The following C1QL1 variants were observed in gnomAD, a reference collection of about 807,000 sequenced individuals.
C1QL1 encodes complement C1q like 1.
Under a neutral mutation model 14.2 loss-of-function variants are expected in C1QL1, and 15 were observed. The ratio of observed to expected loss-of-function variants is 1.06; its 90% confidence interval spans 0.71 to 1.62. The LOEUF is 1.62. C1QL1 is among the 40% of genes most tolerant of loss of function. The pLI is 0.00. For synonymous variants in C1QL1, 172 were observed against 172.4 expected (o/e 1.00, Z 0.02); for missense variants, 346 against 380.3 (o/e 0.91, Z 0.75).
At position 44,967,923 on chromosome 17, in the gene C1QL1, G is replaced by A. The variant is rs767909747; in HGVS notation, c.126C>T (p.Ala42=). 62 of 1,267,782 alleles carry A rather than the reference G, an allele frequency of 4.9e-5. No homozygotes were observed. Among genetic ancestry groups the A allele is most frequent in the Non-Finnish European group, 5.5e-5 (56 of 1,011,806 alleles). 78.5% of individuals were successfully genotyped at this position (1,267,782 alleles called of 1,614,324 possible). A position where few individuals can be genotyped will look rare whatever the true frequency, so the allele number is the denominator to read the frequency against. Residue 42 remains alanine (A), a synonymous_variant, in exon 1 of 2, where the codon GCC becomes GCT. Transcript: ENST00000253407. This position sits in a 1 kb window ranked among gnomAD's most constrained non-coding sequence, Gnocchi z 7.0. ...CGTCGCCGCCGTCGGTCCGCGCGCC[G>A]GCGCCGGGGCCCCGCGCGGGGTAGG... ...CDPYPARGPG[A]GARTDGGDAL... is the part of the protein sequence containing the mutation.
chr17:44,965,626 G>C (rs2052653828), intron 1 of C1QL1, among the ~76,000 whole-genome samples: 1 of 152,218 alleles, frequency 6.6e-6, no homozygotes, highest in African/African-American at 2.4e-5. Flanking sequence ...AGGAGCTTTT[G>C]AGATGGTTTT....
In C1QL1 at chr17:44,960,041, C is replaced by T; in HGVS notation, c.*147G>A. ...AGCCGGTGGGAGGGCCTAGCTGTGG[C>T]CCAGGCGGTGTTGAGCACGGGCCGG... On this transcript the variant is annotated 3_prime_UTR_variant, in exon 2 of 2. Coordinates refer to ENST00000253407, the MANE Select transcript of C1QL1 (RefSeq NM_006688.5). 1.4e-6 allele frequency: 1 copy of T among 718,452 alleles called. No individual in the cohort carries two copies. Among genetic ancestry groups the T allele is most frequent in the Non-Finnish European group, 2.4e-6 (1 of 412,376 alleles). The allele number at this position is 718,452 out of a possible 1,614,324, so 44.5% of individuals were successfully genotyped here. A position where few individuals can be genotyped will look rare whatever the true frequency, so the allele number is the denominator to read the frequency against.
At chr17:44,966,763 C>G in intron 1 of C1QL1, among the ~76,000 whole-genome samples, 1 of 133,104 alleles carries the variant, frequency 7.5e-6, no homozygotes, top group East Asian at 2.8e-4. Flanking sequence ...CCACCACCCC[C>G]CACCCCCCAC....
intron 1 of C1QL1, among the ~76,000 whole-genome samples, chr17:44,962,810 T>C (rs2052635337): frequency 6.6e-6 from 1 of 152,258 alleles, no homozygotes; most frequent in African/African-American, 2.4e-5. Flanking sequence ...AACAGAGTCA[T>C]CTGTCATCAG....
chr17:44,966,243 A>G (rs992698373), intron 1 of C1QL1, among the ~76,000 whole-genome samples: 2 of 152,226 alleles, frequency 1.3e-5, no homozygotes. Context: ...AGCACCTGGC[A>G]GGCTATCTGC....
Position 44,967,140 on chromosome 17 carries a change from C to T in C1QL1, c.597+312G>A, listed in dbSNP as rs1275063789. 2.0e-5 allele frequency among the ~76,000 whole-genome samples: 3 copies of T among 152,248 alleles called. No homozygotes were observed. The highest frequency in any genetic ancestry group is 7.2e-5 in the African/African-American group (3 of 41,470). The stretch of plus-strand genomic sequence containing the variant: ...CCGAATCCACTTCCCAAGGGGCAAG[C>T]CCCCAAGGGCAAGTCCGTGCACCTG... On this transcript the variant is annotated intron_variant, in intron 1 of 1. Coordinates refer to ENST00000253407, the MANE Select transcript of C1QL1 (RefSeq NM_006688.5). This position sits in a 1 kb window ranked among gnomAD's most constrained non-coding sequence, Gnocchi z 7.0.
Position 44,967,351 on chromosome 17 carries a change from G to T in C1QL1, c.597+101C>A. On this transcript the variant is annotated intron_variant, in intron 1 of 1. Transcript: ENST00000253407. This position sits in a 1 kb window ranked among gnomAD's most constrained non-coding sequence, Gnocchi z 7.0. ...GCTGTGGGGTGGGATCTCCACCTGC[G>T]TCCGCCTGGCGCCCCCGCCAACTCC... 1 of 1,269,810 alleles carries T rather than the reference G, an allele frequency of 7.9e-7. No individual in the cohort carries two copies. The allele number at this position is 1,269,810 out of a possible 1,614,324, so 78.7% of individuals were successfully genotyped here. A position where few individuals can be genotyped will look rare whatever the true frequency, so the allele number is the denominator to read the frequency against.
chr17:44,967,818 C>A lies in C1QL1; in HGVS notation c.231G>T (p.Lys77Asn), dbSNP rs2052666193. Residue 77 changes from lysine to asparagine, a missense_variant, in exon 1 of 2, where the codon AAG becomes AAT. By Grantham distance (94) the Lys-to-Asn change is moderately conservative. Coordinates refer to ENST00000253407, the MANE Select transcript of C1QL1 (RefSeq NM_006688.5). This position sits in a 1 kb window ranked among gnomAD's most constrained non-coding sequence, Gnocchi z 7.0. ...GPQGKPGRTG[K>N]PGPPGPPGDP... is the part of the protein sequence containing the mutation. ...CCCCGGGAGGCCCCGGAGGGCCGGG[C>A]TTGCCGGTGCGGCCCGGCTTCCCCT... The A allele has an allele frequency of 2.1e-6, 3 of 1,401,890 alleles. No individual in the cohort carries two copies. Among genetic ancestry groups the A allele is most frequent in the Non-Finnish European group, 2.7e-6 (3 of 1,091,788 alleles). The allele number at this position is 1,401,890 out of a possible 1,614,324, so 86.8% of individuals were successfully genotyped here. A position where few individuals can be genotyped will look rare whatever the true frequency, so the allele number is the denominator to read the frequency against.
At chr17:44,964,848 C>CTTTTCTTTTCT (rs1555586154) in intron 1 of C1QL1, among the ~76,000 whole-genome samples, 1 of 149,664 alleles carries the variant, frequency 6.7e-6, no homozygotes, top group African/African-American at 2.5e-5. Flanking sequence ...CTTTTCTTTT[C>CTTTTCTTTTCT]TTTTTTTTTT....
intron 1 of C1QL1, among the ~76,000 whole-genome samples, chr17:44,965,471 G>A (rs1390120065): frequency 6.6e-6 from 1 of 152,156 alleles, no homozygotes. Context: ...TTTTGAGGGG[G>A]CTGGTCTGAA....
chr17:44,961,892 C>CAAA (rs1216209496), intron 1 of C1QL1, among the ~76,000 whole-genome samples: 2 of 59,172 alleles, frequency 3.4e-5, no homozygotes, highest in Non-Finnish European at 7.6e-5. Flanking sequence ...GACTCCGTCT[C>CAAA]AAAAAAAAAA....
Position 44,960,184 on chromosome 17 carries a change from G to A in C1QL1, c.*4C>T, listed in dbSNP as rs749099013. 7 of 1,613,730 alleles carry A rather than the reference G, an allele frequency of 4.3e-6. No homozygotes were observed. In the South Asian group the frequency reaches 5.5e-5, roughly 13 times the overall value. On this transcript the variant is annotated 3_prime_UTR_variant, in exon 2 of 2. Coordinates refer to ENST00000253407, the MANE Select transcript of C1QL1 (RefSeq NM_006688.5). The stretch of plus-strand genomic sequence containing the variant: ...GGACGTGGGTGGAGGGAGACGTGGG[G>A]AGCTCAGTCGGAGTAGATGATGAAG...
rs1000236506 is a variant in C1QL1, at chr17:44,960,029, G to A, written c.*159C>T. On this transcript the variant is annotated 3_prime_UTR_variant, in exon 2 of 2. Transcript: ENST00000253407. ...GGCTCTGCAGCGAGCCGGTGGGAGG[G>A]CCTAGCTGTGGCCCAGGCGGTGTTG... 1 of 673,816 alleles carries A rather than the reference G, an allele frequency of 1.5e-6. No homozygotes were observed. The highest frequency in any genetic ancestry group is 2.6e-6 in the Non-Finnish European group (1 of 383,058). 41.7% of individuals were successfully genotyped at this position (673,816 alleles called of 1,614,324 possible). A position where few individuals can be genotyped will look rare whatever the true frequency, so the allele number is the denominator to read the frequency against.
intron 1 of C1QL1, among the ~76,000 whole-genome samples, chr17:44,961,437 T>A (rs2145779248): frequency 6.7e-6 from 1 of 150,286 alleles, no homozygotes; most frequent in Admixed American, 6.6e-5. Context: ...CTACTAAAAA[T>A]ACAAAAATTA....
rs376872994 is a variant in C1QL1 at position 44,967,434 on chromosome 17, T to C, written c.597+18A>G. The C allele has an allele frequency of 3.1e-6, 5 of 1,610,244 alleles. No individual in the cohort carries two copies. In the African/African-American group the frequency reaches 4.0e-5, roughly 13 times the overall value. On this transcript the variant is annotated intron_variant, in intron 1 of 1. Transcript: ENST00000253407. The surrounding 1 kb of genome is among the most constrained non-coding windows in gnomAD (Gnocchi z 7.0). ...GTGCCCTGGGCCCAGCCCAGCCCCATGCCCCCGCCTGGCCCACCTGGCCAT... is the reference window on the plus strand; with the variant it reads ...GTGCCCTGGGCCCAGCCCAGCCCCACGCCCCCGCCTGGCCCACCTGGCCAT...
intron 1 of C1QL1, among the ~76,000 whole-genome samples, chr17:44,965,035 C>T (rs1394571761): frequency 1.3e-5 from 2 of 148,260 alleles, no homozygotes; most frequent in Admixed American, 6.7e-5. Flanking sequence ...TTTTTTGAGA[C>T]GGAGTCTCGC....
At chr17:44,961,620 C>A (rs2145779380) in intron 1 of C1QL1, among the ~76,000 whole-genome samples, 1 of 145,992 alleles carries the variant, frequency 6.8e-6, no homozygotes, top group African/African-American at 2.6e-5. Context: ...GGCGCGGTGG[C>A]TCACGCCTGT....
intron 1 of C1QL1, 53 bp from the exon 2 acceptor site, chr17:44,960,420 G>C: frequency 7.3e-7 from 1 of 1,374,776 alleles, no homozygotes; most frequent in Non-Finnish European, 1.0e-6. Flanking sequence ...GGATGAGAAG[G>C]GAGGGAGGTG....
At chr17:44,966,766 C>A (rs1397092534) in intron 1 of C1QL1, among the ~76,000 whole-genome samples, 1 of 132,732 alleles carries the variant, frequency 7.5e-6, no homozygotes, top group East Asian at 2.8e-4. Context: ...CCACCCCCCA[C>A]CCCCCACCCC....
Sources: gnomAD v4.1 joint callset for allele counts (sites outside exome capture counted in the v4.1 genomes callset) on GRCh38, gnomAD v4.1.1 for gene constraint, Gnocchi (gnomAD v3.1) non-coding constraint, MANE v1.5 for transcripts, NCBI Gene and HGNC (gene_info 2026-07-23, HGNC 2026-07-21) for gene names.